DAB1: variants seen among roughly 807,000 people sequenced by gnomAD.
DAB1 encodes disabled homolog 1.
Under a neutral mutation model 64.6 loss-of-function variants are expected in DAB1, and 15 were observed. The ratio of observed to expected loss-of-function variants is 0.23; its 90% CI spans 0.16 to 0.36. The LOEUF (loss-of-function observed/expected upper bound fraction) is 0.36, where lower values mean the gene tolerates loss of function less well. Among genes scored for constraint, DAB1 ranks in the 10% least tolerant of loss-of-function variants. DAB1 has a pLI of 1.00. For missense variants in DAB1, 596 were observed against 706.7 expected, an observed-to-expected ratio of 0.84 and a Z score of 1.78; for synonymous variants, 235 against 251.9, an observed-to-expected ratio of 0.93 and a Z score of 0.64.
At chr1:58,519,584 A>T (rs529594158) in intron 2 of DAB1, among the ~76,000 whole-genome samples, 22 of 152,290 alleles carry the variant, frequency 1.4e-4, no homozygotes, top group Admixed American at 1.1e-3. Flanking sequence ...ATGGAAAAAA[A>T]AAATATATCA....
chr1:57,839,090 C>T (rs964119572), intron 1 of DAB1, among the ~76,000 whole-genome samples: 2 of 152,182 alleles, frequency 1.3e-5, no homozygotes, highest in African/African-American at 2.4e-5. Context: ...CAAATTCTTT[C>T]TCTTAAGCCC....
intron 5 of DAB1, among the ~76,000 whole-genome samples, chr1:58,122,521 C>T (rs1046950620): frequency 6.6e-6 from 1 of 151,814 alleles, no homozygotes; most frequent in African/African-American, 2.4e-5. Context: ...AGCCTTATAG[C>T]AATGGGAGTT....
At chr1:58,136,276 T>C (rs1003031838) in intron 5 of DAB1, among the ~76,000 whole-genome samples, 3 of 152,144 alleles carry the variant, frequency 2.0e-5, no homozygotes, top group Non-Finnish European at 4.4e-5. Flanking sequence ...CCACCACCCA[T>C]ATTTTCTAAT....
At chr1:57,136,691 T>C (rs1000107787) in intron 3 of DAB1, 50 bp from the exon 4 acceptor site, 1 of 1,305,544 alleles carries the variant, frequency 7.7e-7, no homozygotes, top group Non-Finnish European at 1.1e-6. Flanking sequence ...CATTTGAAAA[T>C]TCTCTCTGGT....
chr1:58,519,568 C>G (rs1375496946), intron 2 of DAB1, among the ~76,000 whole-genome samples: 2 of 151,968 alleles, frequency 1.3e-5, no homozygotes, highest in Non-Finnish European at 2.9e-5. Flanking sequence ...ACAGAGAATA[C>G]CTCTGATGGA....
chr1:57,733,687 G>A (rs983520529), intron 6 of DAB1, among the ~76,000 whole-genome samples: 9 of 152,180 alleles, frequency 5.9e-5, no homozygotes, highest in South Asian at 2.1e-4. Context: ...GAGGTCGAGC[G>A]ATTTGCCAAA....
chr1:57,090,009 G>A (rs1188978223), intron 4 of DAB1, among the ~76,000 whole-genome samples: 1 of 152,232 alleles, frequency 6.6e-6, no homozygotes, highest in African/African-American at 2.4e-5. Flanking sequence ...ACAAGGGGAT[G>A]TGGCCAGAAG....
At chr1:57,516,983 G>A (rs1261057799) in intron 7 of DAB1, among the ~76,000 whole-genome samples, 1 of 152,214 alleles carries the variant, frequency 6.6e-6, no homozygotes, top group African/African-American at 2.4e-5. Context: ...CAGAGTGTTA[G>A]TCAAAGGTTG....
At chr1:58,372,015 C>G (rs1252180822) in intron 3 of DAB1, among the ~76,000 whole-genome samples, 1 of 152,196 alleles carries the variant, frequency 6.6e-6, no homozygotes, top group Non-Finnish European at 1.5e-5. Flanking sequence ...GGTTGGAGCC[C>G]CCACAGAGAG....
At chr1:58,135,031 C>T (rs974934901) in intron 5 of DAB1, among the ~76,000 whole-genome samples, 1 of 152,156 alleles carries the variant, frequency 6.6e-6, no homozygotes, top group African/African-American at 2.4e-5. Flanking sequence ...CTGTCAGAAA[C>T]CCTATCCCAA....
chr1:57,757,471 G>A (rs1184313419), intron 6 of DAB1, among the ~76,000 whole-genome samples: 3 of 151,956 alleles, frequency 2.0e-5, no homozygotes, highest in Admixed American at 1.3e-4. Flanking sequence ...CCTCCTTCTA[G>A]CTTCTGGCGT....
chr1:58,145,123 G>T (rs1047101246), intron 5 of DAB1, among the ~76,000 whole-genome samples: 2 of 152,244 alleles, frequency 1.3e-5, no homozygotes, highest in African/African-American at 4.8e-5. Context: ...TGTACTGCAT[G>T]AAAGAACCAG....
chr1:57,889,903 G>A (rs868453349), intron 5 of DAB1, among the ~76,000 whole-genome samples: 6 of 131,470 alleles, frequency 4.6e-5, no homozygotes, highest in East Asian at 2.5e-4. Context: ...CTGGGGCGGG[G>A]GGGGGGGAGG....
intron 1 of DAB1, among the ~76,000 whole-genome samples, chr1:57,398,214 G>A (rs1029564627): frequency 6.6e-6 from 1 of 152,220 alleles, no homozygotes; most frequent in African/African-American, 2.4e-5. Context: ...AAGAGATACT[G>A]TCAGTGTGCT....
intron 7 of DAB1, among the ~76,000 whole-genome samples, chr1:57,569,190 C>T (rs1196704584): frequency 3.5e-5 from 5 of 143,296 alleles, no homozygotes; most frequent in Admixed American, 1.4e-4. Flanking sequence ...CCCCAGGGGG[C>T]GGAGCCTGCA....
intron 3 of DAB1, among the ~76,000 whole-genome samples, chr1:58,393,561 T>C (rs915482742): frequency 5.3e-5 from 8 of 152,216 alleles, no homozygotes; most frequent in Non-Finnish European, 1.2e-4. Context: ...TAAATGGTGC[T>C]GGACTTGCAA....
intron 2 of DAB1, among the ~76,000 whole-genome samples, chr1:57,263,120 A>ATTTTT (rs57596595): frequency 6.7e-6 from 1 of 148,812 alleles, no homozygotes; most frequent in Non-Finnish European, 1.5e-5. Context: ...AGAAGATAAA[A>ATTTTT]TTTTTTTTTT....
intron 3 of DAB1, among the ~76,000 whole-genome samples, chr1:58,421,321 T>G (rs994684189): frequency 1.3e-5 from 2 of 152,260 alleles, no homozygotes; most frequent in African/African-American, 4.8e-5. Flanking sequence ...TATATTGTGA[T>G]GAATTTATTC....
chr1:57,028,623 G>C (rs1272959185), intron 9 of DAB1, among the ~76,000 whole-genome samples: 1 of 152,196 alleles, frequency 6.6e-6, no homozygotes, highest in Non-Finnish European at 1.5e-5. Flanking sequence ...AATGCTGATA[G>C]TGATAAGGAC....
Sources: gnomAD v4.1 joint callset for allele counts (sites outside exome capture counted in the v4.1 genomes callset) on GRCh38, gnomAD v4.1.1 for gene constraint, MANE v1.5 for transcripts, NCBI Gene and HGNC (gene_info 2026-07-23, HGNC 2026-07-21) for gene names.